Variants in PLCH1 observed in about 807,000 individuals in gnomAD.
PLCH1 encodes the protein 1-phosphatidylinositol 4,5-bisphosphate phosphodiesterase eta-1.
Under a neutral mutation model 126.7 loss-of-function variants are expected in PLCH1, and 60 were observed. The observed-to-expected ratio is 0.47, with a 90% CI of 0.38 to 0.59. The LOEUF (loss-of-function observed/expected upper bound fraction) is 0.59. Ranked by LOEUF, PLCH1 falls within the 20% of genes least tolerant of loss-of-function variation. PLCH1 has a pLI of 0.00. For missense variants in PLCH1, 1,723 were observed against 2,040.0 expected (o/e 0.84, Z 2.99); for synonymous variants, 719 against 734.9 (o/e 0.98, Z 0.35).
chr3:155,483,814 C>T (rs997178240), intron 22 of PLCH1, among the ~76,000 whole-genome samples: 1 of 151,984 alleles, frequency 6.6e-6, no homozygotes, highest in Admixed American at 6.5e-5. Context: ...TTGGGATAGC[C>T]CATCATGGTT....
chr3:155,463,199 G>A (rs1321462125), intron 21 of PLCH1, among the ~76,000 whole-genome samples: 1 of 152,022 alleles, frequency 6.6e-6, no homozygotes, highest in African/African-American at 2.4e-5. Context: ...CAGTGAAATA[G>A]GTACTTCAGT....
At chr3:155,596,522 T>C in intron 2 of PLCH1, 144 bp from the exon 3 acceptor site, 1 of 543,776 alleles carries the variant, frequency 1.8e-6, no homozygotes, top group Non-Finnish European at 3.1e-6. Context: ...ATCTGAAAAG[T>C]GAGTTGTTAA....
chr3:155,566,210 C>T lies in PLCH1; in HGVS notation c.866-1092G>A, dbSNP rs140373929. Reference sequence around the variant, plus strand: ...ATATATATACACATACATATATACACATATATACGTATATATACACATATA... The same window carrying T: ...ATATATATACACATACATATATACATATATATACGTATATATACACATATA... On this transcript the variant is annotated intron_variant, in intron 7 of 22. Transcript: ENST00000460012. 7.9e-3 allele frequency among the ~76,000 whole-genome samples: 341 copies of T among 43,122 alleles called. 80 individuals carry two copies. Among genetic ancestry groups the T allele is most frequent in the Middle Eastern group, 0.045 (2 of 44 alleles). The allele number at this position is 43,122 out of a possible 152,430, so 28.3% of individuals were successfully genotyped here. A position where few individuals can be genotyped will look rare whatever the true frequency, so the allele number is the denominator to read the frequency against.
Position 155,482,759 on chromosome 3 carries a change from G to A in PLCH1, c.3267C>T (p.Asn1089=). ...KQHLAPDPVV[N]PTQDLHGVKI... ...TCACACCATGCAGATCTTGTGTGGG[G>A]TTAACTACAGGATCGGGAGCCAAAT... Residue 1089 remains asparagine (N), a synonymous_variant, in exon 23 of 23, where the codon AAC becomes AAT. Coordinates refer to ENST00000460012, the MANE Select transcript of PLCH1 (RefSeq NM_014996.4). 2 of 1,614,158 alleles carry A rather than the reference G, an allele frequency of 1.2e-6. No individual in the cohort carries two copies. The highest frequency in any genetic ancestry group is 1.7e-6 in the Non-Finnish European group (2 of 1,180,018).
chr3:155,496,266 T>C (rs1397930682), intron 15 of PLCH1, among the ~76,000 whole-genome samples: 2 of 152,202 alleles, frequency 1.3e-5, no homozygotes, highest in Non-Finnish European at 2.9e-5. Flanking sequence ...AAGCCATTTA[T>C]TGGAAATTTT....
chr3:155,689,605 A>T (rs1297360980), intron 2 of PLCH1, among the ~76,000 whole-genome samples: 1 of 152,136 alleles, frequency 6.6e-6, no homozygotes, highest in African/African-American at 2.4e-5. Flanking sequence ...AAAAAGAACC[A>T]GCAGAAATTC....
intron 2 of PLCH1, among the ~76,000 whole-genome samples, chr3:155,694,977 G>A (rs1481791362): frequency 1.5e-5 from 2 of 137,810 alleles, no homozygotes; most frequent in African/African-American, 2.8e-5. Context: ...TTTTAATGCA[G>A]GTCTATTCTG....
At chr3:155,486,208 T>A in intron 21 of PLCH1, 2 of 1,540,174 alleles carry the variant, frequency 1.3e-6, no homozygotes, top group Non-Finnish European at 1.8e-6. Context: ...AGGGCTCCAC[T>A]GTAAAGGAAA....
chr3:155,457,393 A>G (rs900232260), intron 21 of PLCH1: 4 of 152,204 alleles, frequency 2.6e-5, no homozygotes, highest in African/African-American at 9.7e-5. Flanking sequence ...CATTTACAAA[A>G]CACAAATTCA....
At chr3:155,684,483 C>T (rs1577316465) in intron 2 of PLCH1, among the ~76,000 whole-genome samples, 2 of 152,064 alleles carry the variant, frequency 1.3e-5, no homozygotes, top group Admixed American at 6.5e-5. Context: ...GAACAGGAAA[C>T]GGGTCTCCAA....
chr3:155,697,054 T>G (rs1336783444), intron 2 of PLCH1, among the ~76,000 whole-genome samples: 1 of 152,188 alleles, frequency 6.6e-6, no homozygotes, highest in Non-Finnish European at 1.5e-5. Context: ...TAAATGACCT[T>G]GCATAGAAAG....
intron 1 of PLCH1, among the ~76,000 whole-genome samples, chr3:155,732,151 G>T (rs1247233087): frequency 4.6e-5 from 7 of 151,834 alleles, no homozygotes; most frequent in African/African-American, 1.7e-4. Flanking sequence ...AAAATACATA[G>T]AAATAATTCA....
intron 6 of PLCH1, among the ~76,000 whole-genome samples, chr3:155,570,138 T>C (rs1168610948): frequency 6.6e-6 from 1 of 152,176 alleles, no homozygotes; most frequent in Admixed American, 6.5e-5. Flanking sequence ...ATAATGAGAA[T>C]TGAAATGTAA....
At chr3:155,705,129 G>A (rs936029487) in intron 1 of PLCH1, among the ~76,000 whole-genome samples, 3 of 152,150 alleles carry the variant, frequency 2.0e-5, no homozygotes, top group Admixed American at 6.5e-5. Flanking sequence ...AAAACCCACA[G>A]GTGGAAAACA....
intron 2 of PLCH1, among the ~76,000 whole-genome samples, chr3:155,648,853 C>T (rs1355287778): frequency 6.6e-6 from 1 of 152,168 alleles, no homozygotes; most frequent in Non-Finnish European, 1.5e-5. Flanking sequence ...GGCTGAGCAA[C>T]CATCAGCCAG....
chr3:155,626,890 T>A (rs984504197), intron 2 of PLCH1, among the ~76,000 whole-genome samples: 7 of 149,278 alleles, frequency 4.7e-5, no homozygotes, highest in African/African-American at 1.7e-4. Context: ...CAAGAATATC[T>A]AATAAATAAA....
At chr3:155,620,616 A>C (rs763069797) in intron 2 of PLCH1, among the ~76,000 whole-genome samples, 1 of 152,204 alleles carries the variant, frequency 6.6e-6, no homozygotes, top group Non-Finnish European at 1.5e-5. Context: ...CAAAGTAAGA[A>C]AGAGCTGCAA....
In PLCH1 at chr3:155,490,039, A is replaced by G. The variant is rs1715938736; in HGVS notation, c.2392+745T>C. ...TTTGAGAAGGTTTCTTTCTGTGTAC[A>G]TGTTTTTCCTAAGTTATAGGTTTGC... is the stretch of plus-strand genomic sequence containing the variant. On this transcript the variant is annotated intron_variant, in intron 19 of 22. Coordinates refer to ENST00000460012, the MANE Select transcript of PLCH1 (RefSeq NM_014996.4). Among the ~76,000 whole-genome samples, 5 of 152,150 alleles carry G rather than the reference A, an allele frequency of 3.3e-5. No individual in the cohort carries two copies. The South Asian group carries it at 1.0e-3, about 32-fold the overall frequency.
At chr3:155,454,739 G>T (rs1712395335) in intron 21 of PLCH1, among the ~76,000 whole-genome samples, 1 of 152,150 alleles carries the variant, frequency 6.6e-6, no homozygotes, top group African/African-American at 2.4e-5. Context: ...AGGAATCATT[G>T]GTTCAAGATG....
Sources: allele counts gnomAD v4.1 joint callset (sites outside exome capture counted in the v4.1 genomes callset), GRCh38; gene constraint gnomAD v4.1.1; transcripts MANE v1.5; gene names NCBI Gene and HGNC (gene_info 2026-07-23, HGNC 2026-07-21).